Variants in ITPR3 observed in about 807,000 individuals in gnomAD.
ITPR3 encodes the protein inositol 1,4,5-trisphosphate-gated calcium channel ITPR3.
A neutral mutation model predicts 293.2 loss-of-function variants in ITPR3; 173 were observed. The observed-to-expected ratio is 0.59, with a 90% CI of 0.52 to 0.67. The LOEUF is 0.67. Among genes scored for constraint, ITPR3 ranks in the 30% least tolerant of loss-of-function variants. The pLI is 0.00. For synonymous variants in ITPR3, 1,295 were observed against 1,444.4 expected (o/e 0.90, Z 2.35); for missense variants, 2,796 against 3,592.1 (o/e 0.78, Z 5.66).
chr6:33,693,667 T>A lies in ITPR3; in HGVS notation c.7747T>A (p.Tyr2583Asn), dbSNP rs897950024. 2 of 1,614,098 alleles carry A rather than the reference T, an allele frequency of 1.2e-6. No individual in the cohort carries two copies. The highest frequency in any genetic ancestry group is 2.7e-5 in the African/African-American group (2 of 74,940). ...VLVRVKNKTDYTGPESYVAQM... is the reference protein window; with the variant it reads ...VLVRVKNKTDNTGPESYVAQM... Reference sequence around the variant, plus strand: ...GGTCCGCGTGAAGAACAAGACCGACTACACGGGCCCTGAGAGCTACGTGGC... The same window carrying A: ...GGTCCGCGTGAAGAACAAGACCGACAACACGGGCCCTGAGAGCTACGTGGC... Residue 2583 changes from tyrosine (Y) to asparagine (N), a missense_variant, in exon 56 of 58, where the codon TAC (tyrosine) becomes AAC (asparagine). By Grantham distance (143) the Tyr-to-Asn change is moderately radical. Around this residue, in one of 8 missense-constraint regions of ITPR3, gnomAD observed 568 missense variants for 796.1 expected, o/e 0.71. Coordinates refer to ENST00000605930, the MANE Select transcript of ITPR3 (RefSeq NM_002224.4).
chr6:33,672,000 G>C (rs760337990), intron 21 of ITPR3, 29 bp from the exon 22 acceptor site: 2 of 1,571,034 alleles, frequency 1.3e-6, no homozygotes, highest in Non-Finnish European at 1.7e-6. Flanking sequence ...CAACCTCCTT[G>C]GCAACCTCCT....
In ITPR3 at chr6:33,658,933, G is replaced by C; in HGVS notation, c.529-88G>C. 6.3e-7 allele frequency: 1 copy of C among 1,599,306 alleles called. No individual in the cohort carries two copies. Among genetic ancestry groups the C allele is most frequent in the East Asian group, 2.2e-5 (1 of 44,724 alleles). On this transcript the variant is annotated intron_variant, in intron 5 of 57. Coordinates refer to ENST00000605930, the MANE Select transcript of ITPR3 (RefSeq NM_002224.4). The surrounding 1 kb of genome is among the most constrained non-coding windows in gnomAD (Gnocchi z 6.1). ...TAAGGGCATGCCCATTTCTTAGAAG[G>C]GCAGACTGAGACCAAAGGGAGGCCT...
At position 33,679,883 on chromosome 6, in the gene ITPR3, T is replaced by C. The variant is rs759474096; in HGVS notation, c.3974T>C (p.Leu1325Pro). 1.1e-5 allele frequency: 17 copies of C among 1,610,658 alleles called. No homozygotes were observed. The highest frequency in any genetic ancestry group is 1.3e-5 in the Non-Finnish European group (15 of 1,177,602). Residue 1325 changes from leucine to proline, a missense_variant and splice_region_variant, in exon 31 of 58, where the codon CTG becomes CCG. By Grantham distance (98) the Leu-to-Pro change is moderately conservative. Coordinates refer to ENST00000605930, the MANE Select transcript of ITPR3 (RefSeq NM_002224.4). This position sits in a 1 kb window ranked among gnomAD's most constrained non-coding sequence, Gnocchi z 4.2. ...KKCQDMIMTE[L>P]TNAGDDVVVF... ...ACACGTGCCCCCTCCCACCCGCAGC[T>C]GACCAATGCAGGTGACGATGTGGTC...
In ITPR3 at chr6:33,672,074, C is replaced by T. The variant is rs1402452909; in HGVS notation, c.2774C>T (p.Ser925Phe). The T allele has an allele frequency of 6.2e-7, 1 of 1,613,422 alleles. No individual in the cohort carries two copies. Among genetic ancestry groups the T allele is most frequent in the Non-Finnish European group, 8.5e-7 (1 of 1,179,644 alleles). ...ATCCAGGGCGTGGGGCACATGATGT[C>T]CACCATGGTGCTGAGCCGCAAGCAG... ...RSIQGVGHMMSTMVLSRKQSV... is the reference protein window; with the variant it reads ...RSIQGVGHMMFTMVLSRKQSV... The change falls in exon 22 of 58, where the codon TCC becomes TTC. Residue 925 changes from serine (S) to phenylalanine (F), a missense_variant. Around this residue, in one of 8 missense-constraint regions of ITPR3, gnomAD observed 955 missense variants for 1,180.8 expected, o/e 0.81. Transcript: ENST00000605930. The surrounding 1 kb of genome is among the most constrained non-coding windows in gnomAD (Gnocchi z 5.0).
Position 33,658,035 on chromosome 6 carries a change from TCTCTCCCGCCTGCCC to T in ITPR3, c.369+25_369+39del. 6.2e-7 allele frequency: 1 copy of T among 1,603,326 alleles called. No individual in the cohort carries two copies. The highest frequency in any genetic ancestry group is 8.5e-7 in the Non-Finnish European group (1 of 1,172,830). On this transcript the variant is annotated intron_variant, in intron 4 of 57. Coordinates refer to ENST00000605930, the MANE Select transcript of ITPR3 (RefSeq NM_002224.4). This position sits in a 1 kb window ranked among gnomAD's most constrained non-coding sequence, Gnocchi z 6.1. ...GTGATCCAGGTGAGGCTGGCCTGCC[TCTCTCCCGCCTGCCC>T]CTCTCCCTGCCTAAGAGGCTGGGCT...
rs753401914 is a variant in ITPR3, at chr6:33,669,085, G to A, written c.2118G>A (p.Lys706=). 2 of 1,614,196 alleles carry A rather than the reference G, an allele frequency of 1.2e-6. No homozygotes were observed. The highest frequency in any genetic ancestry group is 1.7e-5 in the Admixed American group (1 of 60,024). ...WTDKNNEHHE[K]SVRQLAQEAR... ...ACAAGAATAACGAGCATCATGAGAA[G>A]AGTGTGAGGCAGCTGGCCCAGGAGG... The change falls in exon 18 of 58, where the codon AAG becomes AAA. Residue 706 remains lysine, a synonymous_variant. Coordinates refer to ENST00000605930, the MANE Select transcript of ITPR3 (RefSeq NM_002224.4).
At chr6:33,689,888 T>C (rs1223758145) in intron 50 of ITPR3, 146 bp from the exon 51 acceptor site, 6 of 867,340 alleles carry the variant, frequency 6.9e-6, no homozygotes, top group Non-Finnish European at 1.1e-5. Flanking sequence ...CTCTGTATTC[T>C]GAGTCCCAGG....
chr6:33,690,068 T>C lies in ITPR3; in HGVS notation c.6902T>C (p.Val2301Ala). 1 of 1,614,208 alleles carries C rather than the reference T, an allele frequency of 6.2e-7. No homozygotes were observed. Among genetic ancestry groups the C allele is most frequent in the Non-Finnish European group, 8.5e-7 (1 of 1,180,034 alleles). The change falls in exon 51 of 58, where the codon GTG (valine) becomes GCG (alanine). Residue 2301 changes from valine (V) to alanine (A), a missense_variant. By Grantham distance (64) the Val-to-Ala change is moderately conservative. This residue lies in a region of ITPR3 where 568 missense variants were observed against 796.1 expected (regional missense o/e 0.71). Coordinates refer to ENST00000605930, the MANE Select transcript of ITPR3 (RefSeq NM_002224.4). ...AAGATCGTGTTTGTGGTGAGCTTCG[T>C]GGGCAACCGTGGCACCTTCATCCGG... ...TNKIVFVVSF[V>A]GNRGTFIRGY...
At position 33,680,421 on chromosome 6, in the gene ITPR3, G is replaced by C; in HGVS notation, c.4317G>C (p.Thr1439=). Reference sequence around the variant, plus strand: ...TCTACACCAGCAACCACATCTGGACGCTCTTTGAGAACTTCACCCTGGACA... The same window carrying C: ...TCTACACCAGCAACCACATCTGGACCCTCTTTGAGAACTTCACCCTGGACA... ...KEIYTSNHIW[T]LFENFTLDMA... Residue 1439 remains threonine, a synonymous_variant, in exon 32 of 58, where the codon ACG becomes ACC. Transcript: ENST00000605930. 1 of 1,613,520 alleles carries C rather than the reference G, an allele frequency of 6.2e-7. No individual in the cohort carries two copies. Among genetic ancestry groups the C allele is most frequent in the Non-Finnish European group, 8.5e-7 (1 of 1,180,024 alleles).
rs2127301410 is a variant in ITPR3, at chr6:33,682,695, A to G, written c.4597+51A>G. ...CCCCAAACCACTCCTCCTGCCGCTC[A>G]CAGTGGGGACGCCTGCCCTCCTAAT... On this transcript the variant is annotated intron_variant, in intron 34 of 57. Coordinates refer to ENST00000605930, the MANE Select transcript of ITPR3 (RefSeq NM_002224.4). This position sits in a 1 kb window ranked among gnomAD's most constrained non-coding sequence, Gnocchi z 5.4. 6.4e-7 allele frequency: 1 copy of G among 1,557,552 alleles called. No individual in the cohort carries two copies.
Position 33,638,137 on chromosome 6 carries a change from C to T in ITPR3, c.90-2347C>T, listed in dbSNP as rs1763868016. ...TCTTCTGCCTCAGCTTCCTGTGTAG[C>T]TGGGATTACAGGCGCGCACCGCCAC... is the stretch of plus-strand genomic sequence containing the variant. On this transcript the variant is annotated intron_variant, in intron 1 of 57. Coordinates refer to ENST00000605930, the MANE Select transcript of ITPR3 (RefSeq NM_002224.4). This position sits in a 1 kb window ranked among gnomAD's most constrained non-coding sequence, Gnocchi z 4.3. Among the ~76,000 whole-genome samples, 1 of 152,128 alleles carries T rather than the reference C, an allele frequency of 6.6e-6. No homozygotes were observed. Among genetic ancestry groups the T allele is most frequent in the Non-Finnish European group, 1.5e-5 (1 of 68,026 alleles).
intron 1 of ITPR3, among the ~76,000 whole-genome samples, chr6:33,622,977 C>T (rs776239892): frequency 2.0e-5 from 3 of 152,190 alleles, no homozygotes; most frequent in Non-Finnish European, 4.4e-5. Context: ...GAATCCCTGC[C>T]TATTTGTCCC....
intron 50 of ITPR3, 55 bp downstream of exon 50, chr6:33,689,465 C>T: frequency 2.5e-6 from 4 of 1,583,680 alleles, no homozygotes; most frequent in Non-Finnish European, 3.4e-6. Context: ...ACTGTGCATT[C>T]AGACGGCAAG....
Position 33,686,512 on chromosome 6 carries a change from A to G in ITPR3, c.5972A>G (p.Gln1991Arg). ...AAGTACCGCATGGATCTGGTGCTGC[A>G]GCTCAAGGTGGGGCCCAGTGGCAGG... Reference protein sequence around the residue: ...LCKYRMDLVLQLKDNASKLLL... With the variant: ...LCKYRMDLVLRLKDNASKLLL... The change falls in exon 43 of 58, where the codon CAG becomes CGG. Residue 1991 changes from glutamine (Q) to arginine (R), a missense_variant. Transcript: ENST00000605930. 1 of 1,613,624 alleles carries G rather than the reference A, an allele frequency of 6.2e-7. No individual in the cohort carries two copies. Among genetic ancestry groups the G allele is most frequent in the Non-Finnish European group, 8.5e-7 (1 of 1,179,534 alleles).
Position 33,621,363 on chromosome 6 carries a change from G to T in ITPR3, c.-240G>T. 1.2e-5 allele frequency: 3 copies of T among 241,988 alleles called. No homozygotes were observed. Among genetic ancestry groups the T allele is most frequent in the South Asian group, 3.1e-4 (2 of 6,494 alleles). 15.0% of individuals were successfully genotyped at this position (241,988 alleles called of 1,614,324 possible). On this transcript the variant is annotated 5_prime_UTR_variant, in exon 1 of 58. Transcript: ENST00000605930. The surrounding 1 kb of genome is among the most constrained non-coding windows in gnomAD (Gnocchi z 7.7). ...CTACGCTGCAGGTACGCGCGGGCCG[G>T]GCGGGGCGGGCGGGCGGCGGGCGCG... is the stretch of plus-strand genomic sequence containing the variant.
chr6:33,661,737 G>A (rs983500562), intron 7 of ITPR3, among the ~76,000 whole-genome samples: 29 of 152,222 alleles, frequency 1.9e-4, no homozygotes, highest in Admixed American at 1.1e-3. Context: ...GCTTATGCCT[G>A]TAATCCTAGC....
chr6:33,677,217 T>C, intron 27 of ITPR3, 128 bp downstream of exon 27: 1 of 888,472 alleles, frequency 1.1e-6, no homozygotes, highest in Non-Finnish European at 1.8e-6. Flanking sequence ...TCTTTCAGCC[T>C]TTGCTGCACA....
At chr6:33,652,592 A>T (rs1167650362) in intron 2 of ITPR3, among the ~76,000 whole-genome samples, 1 of 151,592 alleles carries the variant, frequency 6.6e-6, no homozygotes, top group Non-Finnish European at 1.5e-5. Context: ...CAGCCTCCTG[A>T]GTAGCTGGGA....
chr6:33,653,106 G>T (rs1302022705), intron 2 of ITPR3, among the ~76,000 whole-genome samples: 2 of 151,756 alleles, frequency 1.3e-5, no homozygotes, highest in African/African-American at 4.8e-5. Context: ...ACAATGTCTC[G>T]CTATGTTGCC....
Sources: gnomAD v4.1 joint callset for allele counts (sites outside exome capture counted in the v4.1 genomes callset) on GRCh38, gnomAD v4.1.1 for gene constraint, gnomAD v4.1.1 regional missense constraint, Gnocchi (gnomAD v3.1) non-coding constraint, MANE v1.5 for transcripts, NCBI Gene and HGNC (gene_info 2026-07-23, HGNC 2026-07-21) for gene names.